Variants in ANKDD1B observed in about 807,000 individuals in gnomAD.
ANKDD1B encodes the protein ankyrin repeat and death domain containing 1B.
A neutral mutation model predicts 59.7 loss-of-function variants in ANKDD1B; 57 were observed. The ratio of observed to expected loss-of-function variants is 0.95; its 90% CI spans 0.77 to 1.19. The LOEUF (loss-of-function observed/expected upper bound fraction) is 1.19. Among genes scored for constraint, ANKDD1B ranks in the 50% most tolerant of loss-of-function variants. The probability of loss-of-function intolerance (pLI) is 0.00; values close to 1 mark genes in which losing one functional copy is unlikely to be tolerated. For missense variants in ANKDD1B, 602 were observed against 641.9 expected (o/e 0.94, Z 0.67); for synonymous variants, 216 against 239.5 (o/e 0.90, Z 0.91).
intron 7 of ANKDD1B, among the ~76,000 whole-genome samples, chr5:75,638,481 C>G (rs1774374899): frequency 6.6e-6 from 1 of 152,126 alleles, no homozygotes; most frequent in Non-Finnish European, 1.5e-5. Flanking sequence ...TCTAGACATT[C>G]TTGGTAGCAA....
chr5:75,662,248 A>G (rs550528088), intron 10 of ANKDD1B, among the ~76,000 whole-genome samples: 14 of 152,350 alleles, frequency 9.2e-5, no homozygotes, highest in African/African-American at 3.4e-4. Flanking sequence ...TAGACAGCAT[A>G]CAATTAGAGG....
At chr5:75,625,375 A>G in intron 3 of ANKDD1B, among the ~76,000 whole-genome samples, 1 of 152,120 alleles carries the variant, frequency 6.6e-6, no homozygotes, top group East Asian at 1.9e-4. Context: ...ATTTTATTCT[A>G]ATATATTTAT....
At chr5:75,648,929 C>G (rs1476750591) in intron 7 of ANKDD1B, among the ~76,000 whole-genome samples, 1 of 152,138 alleles carries the variant, frequency 6.6e-6, no homozygotes, top group East Asian at 1.9e-4. Context: ...TCCCCATCAT[C>G]AAGGGGAGTG....
chr5:75,629,487 C>G (rs1774090541), intron 5 of ANKDD1B, among the ~76,000 whole-genome samples: 1 of 152,050 alleles, frequency 6.6e-6, no homozygotes, highest in South Asian at 2.1e-4. Flanking sequence ...TTTGGATACC[C>G]ACTTAATGGC....
chr5:75,653,104 T>C (rs1168004281), intron 7 of ANKDD1B, 38 bp from the exon 8 acceptor site: 3 of 1,342,798 alleles, frequency 2.2e-6, no homozygotes, highest in Middle Eastern at 1.8e-4. Flanking sequence ...TGAATTATAA[T>C]GAGAGTTCCT....
At chr5:75,619,537 T>C (rs1773793314) in intron 2 of ANKDD1B, among the ~76,000 whole-genome samples, 1 of 152,184 alleles carries the variant, frequency 6.6e-6, no homozygotes, top group African/African-American at 2.4e-5. Flanking sequence ...GAAAATCAAA[T>C]ATTTAAATGG....
intron 7 of ANKDD1B, among the ~76,000 whole-genome samples, chr5:75,652,873 T>C (rs1057232147): frequency 3.9e-5 from 6 of 152,224 alleles, no homozygotes; most frequent in African/African-American, 7.2e-5. Context: ...CAACACACTA[T>C]ATGGTATATC....
intron 5 of ANKDD1B, among the ~76,000 whole-genome samples, chr5:75,626,794 TG>T (rs1430845287): frequency 5.3e-4 from 79 of 149,976 alleles, no homozygotes; most frequent in African/African-American, 1.8e-3. Flanking sequence ...TTTTTTTTTT[TG>T]TTTGTTTGTT....
intron 8 of ANKDD1B, among the ~76,000 whole-genome samples, chr5:75,655,356 G>T (rs541427404): frequency 6.6e-6 from 1 of 152,200 alleles, no homozygotes; most frequent in Non-Finnish European, 1.5e-5. Flanking sequence ...GGAGAGCTGA[G>T]CATGAGGATG....
chr5:75,663,530 C>T, intron 11 of ANKDD1B, 41 bp downstream of exon 11: 3 of 1,468,404 alleles, frequency 2.0e-6, no homozygotes, highest in Admixed American at 3.9e-5. Flanking sequence ...GCTTTCCTGG[C>T]AACACCCATC....
chr5:75,623,400 T>A (rs367704498), intron 3 of ANKDD1B, among the ~76,000 whole-genome samples: 3 of 152,106 alleles, frequency 2.0e-5, no homozygotes, highest in East Asian at 3.8e-4. Context: ...TTAGTATTAC[T>A]AAATATAGAG....
intron 11 of ANKDD1B, among the ~76,000 whole-genome samples, chr5:75,665,731 G>A (rs1289661593): frequency 2.6e-5 from 4 of 152,084 alleles, no homozygotes; most frequent in Admixed American, 6.5e-5. Context: ...TTCCCTTGTC[G>A]AGCTTCCTGG....
chr5:75,616,814 T>C lies in ANKDD1B; in HGVS notation c.204T>C (p.Asn68=). 1 of 1,515,968 alleles carries C rather than the reference T, an allele frequency of 6.6e-7. No individual in the cohort carries two copies. Among genetic ancestry groups the C allele is most frequent in the Non-Finnish European group, 8.8e-7 (1 of 1,130,710 alleles). 93.9% of individuals were successfully genotyped at this position (1,515,968 alleles called of 1,614,324 possible). The change falls in exon 2 of 14, where the codon AAT becomes AAC. Residue 68 remains asparagine (N), a synonymous_variant. Transcript: ENST00000601380. ...TTTGCTTTCTTTCAGTACTCCCAAA[T>C]GAGAGAAGCTTTCAGAATGCTGCTA... ...AVAGHELLLP[N]ERSFQNAAKS... is the part of the protein sequence containing the mutation.
intron 7 of ANKDD1B, among the ~76,000 whole-genome samples, chr5:75,637,311 G>A (rs1352319642): frequency 1.3e-5 from 2 of 150,760 alleles, no homozygotes; most frequent in Non-Finnish European, 2.9e-5. Flanking sequence ...TTGGTGCAGG[G>A]GATGTGGCTG....
chr5:75,611,721 G>A lies in ANKDD1B; in HGVS notation c.87G>A (p.Arg29=). ...CTGCTGCGGCCGCCAAGGGTCTCAG[G>A]GAAGACCTGTGGGGCGCGGCCGCCC... ...LRAAAAAKGL[R]EDLWGAAALP... Residue 29 remains arginine (R), a synonymous_variant, in exon 1 of 14, where the codon AGG becomes AGA. Transcript: ENST00000601380. 2.4e-6 allele frequency: 3 copies of A among 1,232,060 alleles called. No individual in the cohort carries two copies. The highest frequency in any genetic ancestry group is 3.0e-6 in the Non-Finnish European group (3 of 988,200). The allele number at this position is 1,232,060 out of a possible 1,614,324, so 76.3% of individuals were successfully genotyped here.
At chr5:75,642,413 G>T (rs1291391375) in intron 7 of ANKDD1B, among the ~76,000 whole-genome samples, 1 of 148,640 alleles carries the variant, frequency 6.7e-6, no homozygotes, top group Non-Finnish European at 1.5e-5. Context: ...GCCGAAGCAG[G>T]GCGAGGCATT....
At chr5:75,655,621 C>A (rs1028919398) in intron 8 of ANKDD1B, among the ~76,000 whole-genome samples, 1 of 152,264 alleles carries the variant, frequency 6.6e-6, no homozygotes, top group South Asian at 2.1e-4. Flanking sequence ...GTCAGCCTTC[C>A]CCCTATCCCC....
intron 7 of ANKDD1B, among the ~76,000 whole-genome samples, chr5:75,651,757 G>T (rs903394797): frequency 6.6e-6 from 1 of 152,212 alleles, no homozygotes; most frequent in Admixed American, 6.5e-5. Context: ...CCTAGGCATA[G>T]TGTCTTAGTC....
At chr5:75,631,440 CA>C (rs1309818345) in intron 5 of ANKDD1B, among the ~76,000 whole-genome samples, 3 of 152,102 alleles carry the variant, frequency 2.0e-5, no homozygotes, top group African/African-American at 7.2e-5. Context: ...TTATAAATTC[CA>C]GAAGGGGAAA....
Sources: allele counts gnomAD v4.1 joint callset (sites outside exome capture counted in the v4.1 genomes callset), GRCh38; gene constraint gnomAD v4.1.1; transcripts MANE v1.5; gene names NCBI Gene and HGNC (gene_info 2026-07-23, HGNC 2026-07-21).